The following SPATA46 variants were observed in gnomAD, a reference collection of about 807,000 sequenced individuals.
SPATA46 encodes the protein spermatogenesis-associated protein 46.
In SPATA46, 3 loss-of-function variants were observed where a neutral mutation model predicts 6.2. That is an observed-to-expected ratio of 0.48 (90% CI 0.22 to 1.25). SPATA46 has a LOEUF of 1.25. SPATA46 is among the 50% of genes most tolerant of loss of function. SPATA46 has a pLI of 0.20. For missense variants in SPATA46, 308 were observed against 323.5 expected, an observed-to-expected ratio of 0.95 and a Z score of 0.37; for synonymous variants, 117 against 123.3, an observed-to-expected ratio of 0.95 and a Z score of 0.34.
In SPATA46 at chr1:162,374,751, A is replaced by G. The variant is rs1647589563; in HGVS notation, c.218-135T>C. The G allele has an allele frequency of 1.3e-5, 11 of 854,124 alleles. No homozygotes were observed. The East Asian group carries it at 2.9e-4, about 22-fold the overall frequency. The allele number at this position is 854,124 out of a possible 1,614,324, so 52.9% of individuals were successfully genotyped here. The stretch of plus-strand genomic sequence containing the variant: ...ACCCCACCACGATTGCAGTTCTGAG[A>G]GCAGACGCAAGACAGTGGTAAGAGC... On this transcript the variant is annotated intron_variant, in intron 2 of 2. Transcript: ENST00000367935.
intron 1 of SPATA46, 64 bp from the exon 2 acceptor site, chr1:162,375,467 C>T: frequency 1.5e-6 from 2 of 1,299,098 alleles, no homozygotes; most frequent in Non-Finnish European, 2.2e-6. Flanking sequence ...TGGGACTCCC[C>T]CAGGCATACC....
chr1:162,376,540 A>G (rs1210513404), intron 1 of SPATA46, 148 bp downstream of exon 1: 5 of 801,050 alleles, frequency 6.2e-6, no homozygotes, highest in African/African-American at 1.7e-5. Flanking sequence ...CTTACCACAA[A>G]TGCAGCATTT....
intron 1 of SPATA46, 109 bp from the exon 2 acceptor site, chr1:162,375,512 A>G (rs1028469970): frequency 1.0e-5 from 8 of 776,076 alleles, no homozygotes; most frequent in African/African-American, 1.7e-5. Flanking sequence ...AGGCATCTCA[A>G]CGCTGAAACA....
At chr1:162,376,528 T>A in intron 1 of SPATA46, 160 bp downstream of exon 1, 1 of 715,406 alleles carries the variant, frequency 1.4e-6, no homozygotes. Flanking sequence ...CAGCAGTAAC[T>A]ACTTACCACA....
At chr1:162,375,508 C>T in intron 1 of SPATA46, 105 bp from the exon 2 acceptor site, 1 of 806,770 alleles carries the variant, frequency 1.2e-6, no homozygotes, top group African/African-American at 1.7e-5. Flanking sequence ...TTCAAGGCAT[C>T]TCAACGCTGA....
Position 162,374,387 on chromosome 1 carries a change from G to A in SPATA46, c.447C>T (p.Cys149=), listed in dbSNP as rs978671652. 6.2e-7 allele frequency: 1 copy of A among 1,614,128 alleles called. No individual in the cohort carries two copies. The highest frequency in any genetic ancestry group is 1.3e-5 in the African/African-American group (1 of 74,944). Residue 149 remains cysteine, a synonymous_variant, in exon 3 of 3, where the codon TGC becomes TGT. Transcript: ENST00000367935. ...CSSSSSPENT[C]PREATKKSRH... is the part of the protein sequence containing the mutation. ...TGGATTTCTTGGTGGCTTCTCGAGG[G>A]CAAGTGTTCTCTGGGGAGGAAGAGG...
chr1:162,375,121 C>A (rs1483676693), intron 2 of SPATA46, among the ~76,000 whole-genome samples, 169 bp downstream of exon 2: 2 of 152,166 alleles, frequency 1.3e-5, no homozygotes, highest in Admixed American at 1.3e-4. Context: ...GGCGAGAGCC[C>A]CAGGCCTGTG....
At chr1:162,375,700 C>T (rs1647635937) in intron 1 of SPATA46, among the ~76,000 whole-genome samples, 1 of 152,174 alleles carries the variant, frequency 6.6e-6, no homozygotes, top group African/African-American at 2.4e-5. Context: ...TCCTGCATCT[C>T]ATCACGCGGA....
At position 162,376,766 on chromosome 1, in the gene SPATA46, T is replaced by C. The variant is rs1647691488; in HGVS notation, c.25A>G (p.Ile9Val). The part of the protein sequence containing the change: MENFSLLS[I>V]SGPPISSSAL... ...GAGGAAGAGATTGGAGGTCCAGAGA[T>C]GCTGAGGAGTGAGAAGTTCTCCATA... The change falls in exon 1 of 3, where the codon ATC becomes GTC. Residue 9 changes from isoleucine (I) to valine (V), a missense_variant. By Grantham distance (29) the Ile-to-Val change is conservative. Transcript: ENST00000367935. 1 of 1,614,050 alleles carries C rather than the reference T, an allele frequency of 6.2e-7. No homozygotes were observed. Among genetic ancestry groups the C allele is most frequent in the Non-Finnish European group, 8.5e-7 (1 of 1,179,988 alleles).
Position 162,375,287 on chromosome 1 carries a change from C to T in SPATA46, c.217+3G>A, listed in dbSNP as rs371972595. 1.3e-5 allele frequency: 21 copies of T among 1,609,054 alleles called. No homozygotes were observed. Among genetic ancestry groups the T allele is most frequent in the Non-Finnish European group, 1.8e-5 (21 of 1,175,506 alleles). On this transcript the variant is annotated splice_donor_region_variant and intron_variant, in intron 2 of 2. Transcript: ENST00000367935. ...TCCCGCCCAGAGTCAGAGAAGTCCT[C>T]ACCTGGTGAGAGCGCTGTGTTCTGT...
In SPATA46 at chr1:162,375,319, T is replaced by G. The variant is rs1487399308; in HGVS notation, c.188A>C (p.Gln63Pro). The part of the protein sequence containing the change: ...PPQYQSIIVR[Q>P]GIQNTALSPD... Reference sequence around the variant, plus strand: ...TGAGAGCGCTGTGTTCTGTATCCCTTGCCTGACAATGATGCTTTGGTACTG... The same window carrying G: ...TGAGAGCGCTGTGTTCTGTATCCCTGGCCTGACAATGATGCTTTGGTACTG... Residue 63 changes from glutamine to proline, a missense_variant, in exon 2 of 3, where the codon CAA becomes CCA. Transcript: ENST00000367935. The G allele has an allele frequency of 6.2e-7, 1 of 1,614,080 alleles. No homozygotes were observed. The highest frequency in any genetic ancestry group is 2.2e-5 in the East Asian group (1 of 44,874).
chr1:162,374,197 T>C lies in SPATA46; in HGVS notation c.637A>G (p.Lys213Glu). The change falls in exon 3 of 3, where the codon AAG (lysine) becomes GAG (glutamate). Residue 213 changes from lysine (K) to glutamate (E), a missense_variant. Lys to Glu is a moderately conservative substitution (Grantham distance 56). Transcript: ENST00000367935. ...KRGFREGFSCKVYYRKLKALW... is the reference protein window; with the variant it reads ...KRGFREGFSCEVYYRKLKALW... Reference sequence around the variant, plus strand: ...GCTTTGAGCTTGCGGTAGTACACCTTGCAGCTGAAGCCCTCCCTGAAGCCC... The same window carrying C: ...GCTTTGAGCTTGCGGTAGTACACCTCGCAGCTGAAGCCCTCCCTGAAGCCC... 1 of 1,614,140 alleles carries C rather than the reference T, an allele frequency of 6.2e-7. No homozygotes were observed. The highest frequency in any genetic ancestry group is 8.5e-7 in the Non-Finnish European group (1 of 1,179,956).
intron 1 of SPATA46, among the ~76,000 whole-genome samples, chr1:162,376,326 T>C (rs1647662153): frequency 6.6e-6 from 1 of 152,088 alleles, no homozygotes; most frequent in Admixed American, 6.5e-5. Context: ...TGAGATTTCA[T>C]GCACAATCTA....
chr1:162,374,544 G>C lies in SPATA46; in HGVS notation c.290C>G (p.Ser97Cys). ...RNCTIYRPWF[S>C]PYSYFVCADK... is the part of the protein sequence containing the mutation. ...TGCACACACGAAGTAGCTGTAGGGG[G>C]AGAACCAGGGCCGGTAGATAGTGCA... is the stretch of plus-strand genomic sequence containing the variant. Residue 97 changes from serine to cysteine, a missense_variant, in exon 3 of 3, where the codon TCC (serine) becomes TGC (cysteine). Coordinates refer to ENST00000367935, the MANE Select transcript of SPATA46 (RefSeq NM_182581.4). The C allele has an allele frequency of 6.2e-7, 1 of 1,614,226 alleles. No homozygotes were observed. Among genetic ancestry groups the C allele is most frequent in the East Asian group, 2.2e-5 (1 of 44,880 alleles).
At chr1:162,374,997 AC>A (rs1647600283) in intron 2 of SPATA46, among the ~76,000 whole-genome samples, 1 of 152,094 alleles carries the variant, frequency 6.6e-6, no homozygotes, top group Admixed American at 6.5e-5. Context: ...TCTTTTCGCC[AC>A]CCATGGCTGT....
At position 162,375,233 on chromosome 1, in the gene SPATA46, C is replaced by T. The variant is rs995180024; in HGVS notation, c.217+57G>A. 1.6e-5 allele frequency: 23 copies of T among 1,453,242 alleles called. No homozygotes were observed. In the African/African-American group the frequency reaches 2.9e-4, roughly 18 times the overall value. 90.0% of individuals were successfully genotyped at this position (1,453,242 alleles called of 1,614,324 possible). On this transcript the variant is annotated intron_variant, in intron 2 of 2. Coordinates refer to ENST00000367935, the MANE Select transcript of SPATA46 (RefSeq NM_182581.4). ...CACCTCTGCTTCCTTAGGGAAGCAG[C>T]CCCTTTTCATCCTTAGCCTCTCACA...
At position 162,376,305 on chromosome 1, in the gene SPATA46, T is replaced by C. The variant is rs1015063171; in HGVS notation, c.103+383A>G. Among the ~76,000 whole-genome samples, 42 of 152,124 alleles carry C rather than the reference T, an allele frequency of 2.8e-4. 1 individual carries two copies. Among genetic ancestry groups the C allele is most frequent in the African/African-American group, 1.0e-3 (42 of 41,410 alleles). On this transcript the variant is annotated intron_variant, in intron 1 of 2. Transcript: ENST00000367935. Reference sequence around the variant, plus strand: ...AACTAGTTTCTACTCTATGTAGACATACTGCCACCTTGAGATTTCATGCAC... The same window carrying C: ...AACTAGTTTCTACTCTATGTAGACACACTGCCACCTTGAGATTTCATGCAC...
chr1:162,375,007 G>A (rs1647600630), intron 2 of SPATA46, among the ~76,000 whole-genome samples: 1 of 152,152 alleles, frequency 6.6e-6, no homozygotes, highest in South Asian at 2.1e-4. Context: ...ACCCATGGCT[G>A]TGACCCTTTT....
chr1:162,375,279 G>A lies in SPATA46; in HGVS notation c.217+11C>T, dbSNP rs766859729. 1 of 1,597,934 alleles carries A rather than the reference G, an allele frequency of 6.3e-7. No individual in the cohort carries two copies. Among genetic ancestry groups the A allele is most frequent in the African/African-American group, 1.3e-5 (1 of 74,724 alleles). Reference sequence around the variant, plus strand: ...TCACACATTCCCGCCCAGAGTCAGAGAAGTCCTCACCTGGTGAGAGCGCTG... The same window carrying A: ...TCACACATTCCCGCCCAGAGTCAGAAAAGTCCTCACCTGGTGAGAGCGCTG... On this transcript the variant is annotated intron_variant, in intron 2 of 2. Transcript: ENST00000367935.
Sources: gnomAD v4.1 joint callset for allele counts (sites outside exome capture counted in the v4.1 genomes callset) on GRCh38, gnomAD v4.1.1 for gene constraint, MANE v1.5 for transcripts, NCBI Gene and HGNC (gene_info 2026-07-23, HGNC 2026-07-21) for gene names.